The following QSOX1 variants were observed in gnomAD, a reference collection of about 807,000 sequenced individuals.
QSOX1 encodes the protein sulfhydryl oxidase 1.
A neutral mutation model predicts 76.1 loss-of-function variants in QSOX1; 40 were observed. The ratio of observed to expected loss-of-function variants is 0.53; its 90% CI spans 0.41 to 0.68. QSOX1 has a LOEUF of 0.68. Ranked by LOEUF, QSOX1 falls within the 30% of genes least tolerant of loss-of-function variation. The pLI is 0.00. For synonymous variants in QSOX1, 392 were observed against 413.1 expected, an observed-to-expected ratio of 0.95 and a Z score of 0.62; for missense variants, 931 against 974.3, an observed-to-expected ratio of 0.96 and a Z score of 0.59.
rs1188560314 is a variant in QSOX1 at position 180,155,065 on chromosome 1, C to G, written c.158C>G (p.Ala53Gly). Residue 53 changes from alanine to glycine, a missense_variant, in exon 1 of 12, where the codon GCG (alanine) becomes GGG (glycine). Coordinates refer to ENST00000367602, the MANE Select transcript of QSOX1 (RefSeq NM_002826.5). ...CTGCAGGCGGACACGGTGCGCGGCGCGGTGCTGGGCTCCCGCAGCGCCTGG... is the reference window on the plus strand; with the variant it reads ...CTGCAGGCGGACACGGTGCGCGGCGGGGTGCTGGGCTCCCGCAGCGCCTGG... ...TLLQADTVRGAVLGSRSAWAV... is the reference protein window; with the variant it reads ...TLLQADTVRGGVLGSRSAWAV... 2 of 1,514,278 alleles carry G rather than the reference C, an allele frequency of 1.3e-6. No individual in the cohort carries two copies. The highest frequency in any genetic ancestry group is 2.9e-5 in the African/African-American group (2 of 69,592). The allele number at this position is 1,514,278 out of a possible 1,614,324, so 93.8% of individuals were successfully genotyped here. A position where few individuals can be genotyped will look rare whatever the true frequency, so the allele number is the denominator to read the frequency against.
chr1:180,176,920 AT>A (rs1662910205), intron 4 of QSOX1, among the ~76,000 whole-genome samples: 1 of 152,152 alleles, frequency 6.6e-6, no homozygotes, highest in South Asian at 2.1e-4. Context: ...CTGCTGAGAG[AT>A]TGTGTTTCCA....
rs1462006493 is a variant in QSOX1, at chr1:180,198,870, C to G, written c.*1833C>G. 1.1e-5 allele frequency: 2 copies of G among 178,854 alleles called. No individual in the cohort carries two copies. Among genetic ancestry groups the G allele is most frequent in the Non-Finnish European group, 2.4e-5 (2 of 82,648 alleles). The allele number at this position is 178,854 out of a possible 1,614,324, so 11.1% of individuals were successfully genotyped here. ...CCAGGGCCGGTGCCCTGTGTGCCCACTGCACCAAGGCCGCTGAATAAGCCT... is the reference window on the plus strand; with the variant it reads ...CCAGGGCCGGTGCCCTGTGTGCCCAGTGCACCAAGGCCGCTGAATAAGCCT... On this transcript the variant is annotated 3_prime_UTR_variant, in exon 12 of 12. Coordinates refer to ENST00000367602, the MANE Select transcript of QSOX1 (RefSeq NM_002826.5).
chr1:180,160,173 C>A (rs1052619630), intron 1 of QSOX1, among the ~76,000 whole-genome samples: 23 of 152,020 alleles, frequency 1.5e-4, no homozygotes, highest in African/African-American at 5.6e-4. Context: ...AGCCAGGGAC[C>A]CATGAACCAA....
intron 11 of QSOX1, among the ~76,000 whole-genome samples, chr1:180,195,681 A>G (rs1166622442): frequency 6.6e-6 from 1 of 151,708 alleles, no homozygotes; most frequent in Non-Finnish European, 1.5e-5. Context: ...CCCCCCAACT[A>G]TCCCTTGGAG....
chr1:180,184,746 G>A lies in QSOX1; in HGVS notation c.887+696G>A, dbSNP rs150559251. 4.7e-3 allele frequency among the ~76,000 whole-genome samples: 719 copies of A among 152,334 alleles called. 2 individuals are homozygous for A. The highest frequency in any genetic ancestry group is 6.8e-3 in the Middle Eastern group (2 of 294). On this transcript the variant is annotated intron_variant, in intron 7 of 11. Transcript: ENST00000367602. The stretch of plus-strand genomic sequence containing the variant: ...AGGGAGCTCAGAGCTGGCCAGGACG[G>A]TGCCCCTCACAAGGGGATGCACGAG...
intron 2 of QSOX1, among the ~76,000 whole-genome samples, chr1:180,168,347 G>A (rs1009785151): frequency 2.0e-5 from 3 of 152,242 alleles, no homozygotes; most frequent in African/African-American, 7.2e-5. Context: ...GGGCCAGTCT[G>A]GTAGTCATCT....
chr1:180,202,673 T>C lies in QSOX1; in HGVS notation c.*5636T>C, dbSNP rs1472024577. The C allele has an allele frequency of 2.9e-5, 1 of 34,164 alleles. No homozygotes were observed. Among genetic ancestry groups the C allele is most frequent in the Non-Finnish European group, 1.1e-4 (1 of 9,304 alleles). The allele number at this position is 34,164 out of a possible 1,614,324, so 2.1% of individuals were successfully genotyped here. On this transcript the variant is annotated 3_prime_UTR_variant, in exon 12 of 12. Transcript: ENST00000367602. ...ACATCTCAGTAGATTAGTAAGCTAA[T>C]GCAAAAAAAAAAAAAAAAGGGGAAA...
Position 180,186,028 on chromosome 1 carries a change from T to C in QSOX1, c.888-25T>C, listed in dbSNP as rs756500117. The C allele has an allele frequency of 8.7e-6, 14 of 1,612,574 alleles. No homozygotes were observed. In the East Asian group the frequency reaches 2.5e-4, roughly 28 times the overall value. ...GCACCATGGTTAATACTTCTTTCTC[T>C]CTCTATCTCCCTCTGGGTCCTCAGC... On this transcript the variant is annotated intron_variant, in intron 7 of 11. Coordinates refer to ENST00000367602, the MANE Select transcript of QSOX1 (RefSeq NM_002826.5).
intron 8 of QSOX1, among the ~76,000 whole-genome samples, chr1:180,188,348 GCTGGTAGGAGTGGCCA>G (rs1486677545): frequency 6.6e-6 from 1 of 152,262 alleles, no homozygotes; most frequent in Non-Finnish European, 1.5e-5. Context: ...CCTGTGAGCA[GCTGGTAGGAGTGGCCA>G]CTGGGTGGCG....
At chr1:180,165,528 C>A (rs997008637) in intron 1 of QSOX1, among the ~76,000 whole-genome samples, 1 of 152,276 alleles carries the variant, frequency 6.6e-6, no homozygotes, top group South Asian at 2.1e-4. Context: ...ACTGGACCGA[C>A]GGTCTAGGTT....
In QSOX1 at chr1:180,164,637, G is replaced by A. The variant is rs548502947; in HGVS notation, c.266-1854G>A. 1.9e-3 allele frequency among the ~76,000 whole-genome samples: 290 copies of A among 152,258 alleles called. 1 individual carries two copies. Among genetic ancestry groups the A allele is most frequent in the Non-Finnish European group, 3.0e-3 (202 of 68,004 alleles). ...GCCAGGCTCTTCCTGCATCTGTCTC[G>A]TGGAGGTGAGGGTAACACTCCTTCC... On this transcript the variant is annotated intron_variant, in intron 1 of 11. Transcript: ENST00000367602.
At position 180,182,137 on chromosome 1, in the gene QSOX1, G is replaced by A. The variant is rs367808481; in HGVS notation, c.607-37G>A. 303 of 1,608,212 alleles carry A rather than the reference G, an allele frequency of 1.9e-4. 2 individuals are homozygous for A. In the African/African-American group the frequency reaches 2.7e-3, roughly 14 times the overall value. On this transcript the variant is annotated intron_variant, in intron 5 of 11. Coordinates refer to ENST00000367602, the MANE Select transcript of QSOX1 (RefSeq NM_002826.5). ...GACCCAGCCCTGGCTCCCTCCACCC[G>A]GTGGCCTGGCCCCCAGATGTTCTGC...
At chr1:180,156,109 T>TA (rs905206035) in intron 1 of QSOX1, among the ~76,000 whole-genome samples, 22 of 152,342 alleles carry the variant, frequency 1.4e-4, no homozygotes, top group Admixed American at 1.2e-3. Context: ...GGAAATATGG[T>TA]AATAATAGTA....
chr1:180,170,351 T>A (rs575406273), intron 2 of QSOX1, among the ~76,000 whole-genome samples: 33 of 152,320 alleles, frequency 2.2e-4, no homozygotes, highest in African/African-American at 7.5e-4. Context: ...TGGAAGTGGT[T>A]AAGGTAATGG....
rs1663396607 is a variant in QSOX1, at chr1:180,194,119, G to T, written c.1289-94G>T. The T allele has an allele frequency of 7.1e-6, 9 of 1,269,020 alleles. No individual in the cohort carries two copies. In the South Asian group the frequency reaches 1.1e-4, roughly 16 times the overall value. The allele number at this position is 1,269,020 out of a possible 1,614,324, so 78.6% of individuals were successfully genotyped here. On this transcript the variant is annotated intron_variant, in intron 10 of 11. Coordinates refer to ENST00000367602, the MANE Select transcript of QSOX1 (RefSeq NM_002826.5). ...TGGCACCTGTGCAGGGGTGGCCACG[G>T]CAGGATGGGGGGCGGCAGGGTGGCC...
intron 1 of QSOX1, among the ~76,000 whole-genome samples, chr1:180,156,687 C>T (rs1422136553): frequency 1.3e-5 from 2 of 152,210 alleles, no homozygotes; most frequent in Non-Finnish European, 2.9e-5. Context: ...GTCCCATTAG[C>T]TGAACGTGCC....
intron 5 of QSOX1, among the ~76,000 whole-genome samples, chr1:180,180,183 T>A (rs527769084): frequency 1.2e-4 from 19 of 152,366 alleles, no homozygotes; most frequent in African/African-American, 4.1e-4. Flanking sequence ...TTTCTCCAGC[T>A]ACAAGATAGG....
Position 180,203,600 on chromosome 1 carries a change from T to C in QSOX1, c.*6563T>C, listed in dbSNP as rs1663677008. The C allele has an allele frequency of 6.6e-6, 1 of 152,240 alleles. No individual in the cohort carries two copies. Among genetic ancestry groups the C allele is most frequent in the Admixed American group, 6.5e-5 (1 of 15,288 alleles). The allele number at this position is 152,240 out of a possible 1,614,324, so 9.4% of individuals were successfully genotyped here. On this transcript the variant is annotated 3_prime_UTR_variant, in exon 12 of 12. Transcript: ENST00000367602. ...TAGGATTAAAGGATACTAAAGCCCATTCAATAAAATTTGTAGGAGGCCACT... is the reference window on the plus strand; with the variant it reads ...TAGGATTAAAGGATACTAAAGCCCACTCAATAAAATTTGTAGGAGGCCACT...
chr1:180,196,334 A>T lies in QSOX1; in HGVS notation c.1541A>T (p.Asn514Ile). The T allele has an allele frequency of 6.2e-7, 1 of 1,614,134 alleles. No homozygotes were observed. Among genetic ancestry groups the T allele is most frequent in the Non-Finnish European group, 8.5e-7 (1 of 1,180,004 alleles). ...CGTGAACTTTGTTCTGCCTGCCACAATGAACGCCTGGATGTGCCCGTGTGG... is the reference window on the plus strand; with the variant it reads ...CGTGAACTTTGTTCTGCCTGCCACATTGAACGCCTGGATGTGCCCGTGTGG... ...PPRELCSACH[N>I]ERLDVPVWDV... The change falls in exon 12 of 12, where the codon AAT becomes ATT. Residue 514 changes from asparagine to isoleucine, a missense_variant. Asn to Ile is a moderately radical substitution (Grantham distance 149). Transcript: ENST00000367602. This position sits in a 1 kb window ranked among gnomAD's most constrained non-coding sequence, Gnocchi z 4.1.
Sources: allele counts gnomAD v4.1 joint callset (sites outside exome capture counted in the v4.1 genomes callset), GRCh38; gene constraint gnomAD v4.1.1; non-coding constraint Gnocchi (gnomAD v3.1); transcripts MANE v1.5; gene names NCBI Gene and HGNC (gene_info 2026-07-23, HGNC 2026-07-21).